Variants in SEC24B observed in about 807,000 individuals in gnomAD.
SEC24B encodes SEC24 homolog B, COPII component, also known as protein transport protein Sec24B.
In SEC24B, 45 loss-of-function variants were observed where a neutral mutation model predicts 142.8. The observed-to-expected ratio is 0.32, with a 90% CI of 0.25 to 0.40. SEC24B has a LOEUF of 0.40. Among genes scored for constraint, SEC24B ranks in the 10% least tolerant of loss-of-function variants. The pLI is 1.00. For synonymous variants in SEC24B, 574 were observed against 568.2 expected, an observed-to-expected ratio of 1.01 and a Z score of -0.15; for missense variants, 1,409 against 1,526.8, an observed-to-expected ratio of 0.92 and a Z score of 1.29.
chr4:109,444,473 T>A (rs1274271444), intron 1 of SEC24B, among the ~76,000 whole-genome samples: 3 of 17,638 alleles, frequency 1.7e-4, no homozygotes, highest in Non-Finnish European at 3.0e-4. Context: ...GATCCTGTGA[T>A]TTTTTTTTTT....
intron 1 of SEC24B, among the ~76,000 whole-genome samples, chr4:109,436,026 G>A (rs1025134220): frequency 3.3e-5 from 5 of 152,152 alleles, no homozygotes; most frequent in Admixed American, 6.5e-5. Context: ...CCAAGGCATC[G>A]AAGCCGAAAG....
chr4:109,519,681 A>G (rs766282049), intron 11 of SEC24B, among the ~76,000 whole-genome samples: 6 of 152,236 alleles, frequency 3.9e-5, no homozygotes, highest in Non-Finnish European at 7.3e-5. Context: ...CATAACTTGT[A>G]GCTTTCTGTT....
chr4:109,449,058 G>GT (rs1729780437), intron 1 of SEC24B, among the ~76,000 whole-genome samples: 3 of 151,692 alleles, frequency 2.0e-5, no homozygotes, highest in South Asian at 2.1e-4. Context: ...TGAATTTTTC[G>GT]TAAGAATACC....
chr4:109,457,877 T>C (rs752766775), intron 1 of SEC24B, among the ~76,000 whole-genome samples: 4 of 152,236 alleles, frequency 2.6e-5, no homozygotes, highest in Admixed American at 1.3e-4. Context: ...GAGAGGCTCC[T>C]CTTCCCCAGA....
intron 20 of SEC24B, among the ~76,000 whole-genome samples, chr4:109,532,054 A>G (rs544667515): frequency 4.6e-5 from 7 of 151,928 alleles, no homozygotes; most frequent in Non-Finnish European, 1.0e-4. Context: ...ACAGAGTTTC[A>G]CCATATTGGC....
At chr4:109,467,242 C>T (rs1022721526) in intron 2 of SEC24B, among the ~76,000 whole-genome samples, 6 of 146,896 alleles carry the variant, frequency 4.1e-5, no homozygotes, top group African/African-American at 1.5e-4. Context: ...AGGAGAATGG[C>T]GTGAACCCGG....
intron 2 of SEC24B, among the ~76,000 whole-genome samples, chr4:109,464,338 C>A (rs1036401364): frequency 2.0e-5 from 3 of 149,876 alleles, no homozygotes; most frequent in Non-Finnish European, 4.4e-5. Flanking sequence ...ATCACCCAGG[C>A]TGGGCATGAT....
intron 1 of SEC24B, among the ~76,000 whole-genome samples, chr4:109,449,981 G>A (rs947487992): frequency 5.9e-5 from 9 of 152,174 alleles, no homozygotes; most frequent in Non-Finnish European, 1.3e-4. Context: ...TTGGGAGGCC[G>A]AAGCAGGAAG....
chr4:109,507,180 G>T (rs992138737), intron 7 of SEC24B, among the ~76,000 whole-genome samples: 2 of 150,492 alleles, frequency 1.3e-5, no homozygotes, highest in African/African-American at 2.4e-5. Flanking sequence ...ATATCCCCCT[G>T]GTCCTAGTTT....
At chr4:109,487,038 G>A (rs547199863) in intron 4 of SEC24B, among the ~76,000 whole-genome samples, 6 of 151,842 alleles carry the variant, frequency 4.0e-5, no homozygotes, top group South Asian at 4.2e-4. Flanking sequence ...GGTGGCTGGC[G>A]TCTGTAATCC....
At chr4:109,538,933 T>TA (rs1554013085) in intron 23 of SEC24B, among the ~76,000 whole-genome samples, 2 of 151,788 alleles carry the variant, frequency 1.3e-5, no homozygotes, top group Admixed American at 6.6e-5. Flanking sequence ...TGCAGGCACT[T>TA]CCCTCCACAC....
rs1735045252 is a variant in SEC24B, at chr4:109,491,787, C to T, written c.1246+380C>T. Among the ~76,000 whole-genome samples the T allele has an allele frequency of 2.0e-5, 3 of 152,184 alleles. No homozygotes were observed. In the South Asian group the frequency reaches 6.2e-4, roughly 32 times the overall value. ...TCTGAGTATAGTCTTTGACTCTTTG[C>T]TCCCTCAATGGCTTCTGGCTGCTTC... On this transcript the variant is annotated intron_variant, in intron 5 of 23. Coordinates refer to ENST00000265175, the MANE Select transcript of SEC24B (RefSeq NM_006323.5).
At chr4:109,536,845 T>TA (rs1483175412) in intron 22 of SEC24B, among the ~76,000 whole-genome samples, 1 of 151,770 alleles carries the variant, frequency 6.6e-6, no homozygotes, top group Non-Finnish European at 1.5e-5. Context: ...TTTTTTTTTT[T>TA]ATAATATTAG....
At chr4:109,515,412 AT>A (rs569519577) in intron 10 of SEC24B, among the ~76,000 whole-genome samples, 141 of 152,126 alleles carry the variant, frequency 9.3e-4, no homozygotes, top group Non-Finnish European at 1.6e-3. Flanking sequence ...CAGTTAGCAT[AT>A]TTTTAAGAAA....
At position 109,463,003 on chromosome 4, in the gene SEC24B, C is replaced by T. The variant is rs1731447496; in HGVS notation, c.236C>T (p.Thr79Ile). The change falls in exon 2 of 24, where the codon ACC (threonine) becomes ATC (isoleucine). Residue 79 changes from threonine (T) to isoleucine (I), a missense_variant. By Grantham distance (89) the Thr-to-Ile change is moderately conservative (BLOSUM62 -1). This residue lies in a region of SEC24B where 709 missense variants were observed against 673.5 expected (regional missense o/e 1.05). Transcript: ENST00000265175. Reference protein sequence around the residue: ...GHYSQGPGKMTSLPLDTQCGD... With the variant: ...GHYSQGPGKMISLPLDTQCGD... ...TACTCTCAAGGACCTGGGAAAATGA[C>T]CTCATTGCCATTGGATACCCAGTGT... 1 of 1,614,094 alleles carries T rather than the reference C, an allele frequency of 6.2e-7. No homozygotes were observed. Among genetic ancestry groups the T allele is most frequent in the Non-Finnish European group, 8.5e-7 (1 of 1,179,992 alleles).
chr4:109,484,452 T>C (rs183119902), intron 4 of SEC24B, among the ~76,000 whole-genome samples: 70 of 152,336 alleles, frequency 4.6e-4, no homozygotes, highest in African/African-American at 1.7e-3. Context: ...ACTATAAAGT[T>C]ACTGTTTTTC....
chr4:109,506,400 A>G lies in SEC24B; in HGVS notation c.1561A>G (p.Ser521Gly), dbSNP rs1736690987. 2 of 1,610,762 alleles carry G rather than the reference A, an allele frequency of 1.2e-6. No homozygotes were observed. ...TCTTCAGAGTTCTCCACAACCAGAA[A>G]GCCTGAGACCTGTAAACCTTACTCA... ...LSLQSSPQPESLRPVNLTQER... is the reference protein window; with the variant it reads ...LSLQSSPQPEGLRPVNLTQER... Residue 521 changes from serine (S) to glycine (G), a missense_variant, in exon 7 of 24, where the codon AGC becomes GGC. Coordinates refer to ENST00000265175, the MANE Select transcript of SEC24B (RefSeq NM_006323.5).
chr4:109,466,533 G>C (rs199616057), intron 2 of SEC24B, among the ~76,000 whole-genome samples: 3 of 152,064 alleles, frequency 2.0e-5, no homozygotes, highest in Non-Finnish European at 2.9e-5. Context: ...GCCTCAGCCT[G>C]CCGAGTAGCT....
Position 109,494,817 on chromosome 4 carries a change from C to G in SEC24B, c.1449C>G (p.Pro483=). 1 of 1,614,064 alleles carries G rather than the reference C, an allele frequency of 6.2e-7. No homozygotes were observed. Among genetic ancestry groups the G allele is most frequent in the Non-Finnish European group, 8.5e-7 (1 of 1,179,930 alleles). ...CACCACTTATTTCTGGAGTACAGCCCAGTAACCCGGTATATTCTGGATTCC... is the reference window on the plus strand; with the variant it reads ...CACCACTTATTTCTGGAGTACAGCCGAGTAACCCGGTATATTCTGGATTCC... The part of the protein sequence containing the change: ...ATAPLISGVQ[P]SNPVYSGFQQ... The change falls in exon 6 of 24, where the codon CCC becomes CCG. Residue 483 remains proline (P), a synonymous_variant. Transcript: ENST00000265175.
Sources: allele counts gnomAD v4.1 joint callset (sites outside exome capture counted in the v4.1 genomes callset), GRCh38; gene constraint gnomAD v4.1.1; regional missense constraint gnomAD v4.1.1; transcripts MANE v1.5; gene names NCBI Gene and HGNC (gene_info 2026-07-23, HGNC 2026-07-21).